Variants in NCALD observed in about 807,000 individuals in gnomAD.
NCALD encodes neurocalcin delta.
In NCALD, 10 loss-of-function variants were observed where a neutral mutation model predicts 18.6. That is an observed-to-expected ratio of 0.54 (90% CI 0.33 to 0.91). The LOEUF is 0.91. Ranked by LOEUF, NCALD falls within the 40% of genes least tolerant of loss-of-function variation. The pLI, the probability that NCALD is intolerant of heterozygous loss-of-function variation, is 0.03. For synonymous variants in NCALD, 88 were observed against 87.4 expected (o/e 1.01, Z -0.04); for missense variants, 184 against 247.6 (o/e 0.74, Z 1.72).
chr8:101,991,156 C>T (rs1191185671), intron 2 of NCALD, among the ~76,000 whole-genome samples: 1 of 152,104 alleles, frequency 6.6e-6, no homozygotes, highest in South Asian at 2.1e-4. Context: ...TGCATTGTAT[C>T]GACAACATCC....
At chr8:101,883,594 T>C (rs993264878) in intron 4 of NCALD, among the ~76,000 whole-genome samples, 1 of 152,210 alleles carries the variant, frequency 6.6e-6, no homozygotes. Context: ...TTCGAAGTCT[T>C]TGACCGTGAT....
At position 101,806,297 on chromosome 8, in the gene NCALD, A is replaced by G. The variant is rs144605995; in HGVS notation, c.-20+80844T>C. 2.0e-3 allele frequency among the ~76,000 whole-genome samples: 312 copies of G among 152,284 alleles called. 1 individual carries two copies. The highest frequency in any genetic ancestry group is 3.1e-3 in the Non-Finnish European group (211 of 68,014). On this transcript the variant is annotated intron_variant, in intron 4 of 6. Coordinates refer to the NCALD transcript ENST00000311028. ...AAGGTCCAGCTTTTAATGAAAAGTCATGAGACATCCAAAGAAAAAGGAAAA... is the reference window on the plus strand; with the variant it reads ...AAGGTCCAGCTTTTAATGAAAAGTCGTGAGACATCCAAAGAAAAAGGAAAA...
chr8:101,753,814 G>A (rs1288470995), intron 1 of NCALD, among the ~76,000 whole-genome samples: 1 of 152,206 alleles, frequency 6.6e-6, no homozygotes, highest in East Asian at 1.9e-4. Flanking sequence ...GATTAGCAGA[G>A]TGGAATTATG....
At chr8:102,106,709 A>G (rs77014045) in intron 1 of NCALD, among the ~76,000 whole-genome samples, 2,635 of 152,208 alleles carry the variant, frequency 0.017, 104 homozygotes, top group African/African-American at 0.06. Flanking sequence ...ATTGCAGTCT[A>G]TAGCTCTAGC....
chr8:101,840,826 T>G (rs1260241771), intron 4 of NCALD, among the ~76,000 whole-genome samples: 1 of 152,208 alleles, frequency 6.6e-6, no homozygotes, highest in South Asian at 2.1e-4. Context: ...TTATTACTTA[T>G]GGCAAAACAT....
chr8:101,888,389 T>A (rs1816749819), intron 3 of NCALD, among the ~76,000 whole-genome samples: 1 of 151,746 alleles, frequency 6.6e-6, no homozygotes. Context: ...TTAGCTGGAC[T>A]TTCTTTTTTA....
chr8:101,823,512 AC>A (rs1361222976), intron 4 of NCALD, among the ~76,000 whole-genome samples: 3 of 152,204 alleles, frequency 2.0e-5, no homozygotes, highest in African/African-American at 7.2e-5. Flanking sequence ...AGGTTTTAAA[AC>A]AATATTTTTG....
chr8:102,032,955 G>A (rs975081219), intron 1 of NCALD, among the ~76,000 whole-genome samples: 35 of 152,186 alleles, frequency 2.3e-4, no homozygotes, highest in African/African-American at 7.2e-4. Context: ...CCAGCAATGA[G>A]TCCAGGTGGA....
At chr8:101,692,940 G>A (rs1342557412) in intron 2 of NCALD, 44 bp from the exon 3 acceptor site, 9 of 1,405,888 alleles carry the variant, frequency 6.4e-6, no homozygotes, top group Middle Eastern at 1.8e-4. Flanking sequence ...AAAACAGTAT[G>A]GCACACAATA....
At chr8:102,103,221 C>G (rs1370944976) in intron 1 of NCALD, among the ~76,000 whole-genome samples, 1 of 128,220 alleles carries the variant, frequency 7.8e-6, no homozygotes, top group Non-Finnish European at 1.6e-5. Context: ...CGATTGCCAC[C>G]TCTCTTCTCC....
At chr8:101,781,666 G>A (rs1375722425) in intron 1 of NCALD, among the ~76,000 whole-genome samples, 1 of 152,124 alleles carries the variant, frequency 6.6e-6, no homozygotes, top group Non-Finnish European at 1.5e-5. Flanking sequence ...TTCTGGTGTT[G>A]GACCTTAGGG....
intron 2 of NCALD, among the ~76,000 whole-genome samples, chr8:101,972,598 G>A (rs961824301): frequency 6.6e-6 from 1 of 152,140 alleles, no homozygotes; most frequent in Non-Finnish European, 1.5e-5. Context: ...TTTCTAGAAG[G>A]TTCATTACTA....
intron 1 of NCALD, among the ~76,000 whole-genome samples, chr8:101,754,028 T>C (rs1810771290): frequency 6.6e-6 from 1 of 152,158 alleles, no homozygotes; most frequent in African/African-American, 2.4e-5. Context: ...GGTCTTTCCT[T>C]TGCACAGCAT....
intron 1 of NCALD, among the ~76,000 whole-genome samples, chr8:102,093,390 A>T (rs1171106233): frequency 6.6e-6 from 1 of 152,238 alleles, no homozygotes; most frequent in African/African-American, 2.4e-5. Flanking sequence ...GCTAGCTGCC[A>T]ACATATCCCT....
At position 101,779,147 on chromosome 8, in the gene NCALD, C is replaced by G. The variant is rs751082835; in HGVS notation, c.-20+11715G>C. On this transcript the variant is annotated intron_variant, in intron 1 of 3. Coordinates refer to ENST00000220931, the MANE Select transcript of NCALD (RefSeq NM_032041.3). ...AATGAAGATCTACAAAGATACAGCC[C>G]TTCTTCTATTATTTTGAAAAAAATT... 1.6e-3 allele frequency among the ~76,000 whole-genome samples: 236 copies of G among 152,128 alleles called. 4 individuals are homozygous for G. The highest frequency in any genetic ancestry group is 6.5e-4 in the Non-Finnish European group (44 of 67,972).
chr8:101,709,648 C>T (rs961733578), intron 2 of NCALD, among the ~76,000 whole-genome samples: 1 of 152,132 alleles, frequency 6.6e-6, no homozygotes, highest in South Asian at 2.1e-4. Flanking sequence ...CACATCTAAG[C>T]ATTTATGGTA....
At chr8:101,774,399 C>G (rs1179111656) in intron 1 of NCALD, among the ~76,000 whole-genome samples, 2 of 152,056 alleles carry the variant, frequency 1.3e-5, no homozygotes, top group Non-Finnish European at 2.9e-5. Flanking sequence ...ATAGAAACTT[C>G]CCTTGTGCAT....
intron 3 of NCALD, among the ~76,000 whole-genome samples, chr8:101,903,998 G>A (rs1054497475): frequency 9.9e-5 from 15 of 152,158 alleles, no homozygotes; most frequent in South Asian, 4.1e-4. Context: ...CCACTCCTGC[G>A]CTCCTGTAGG....
intron 4 of NCALD, among the ~76,000 whole-genome samples, chr8:101,811,111 C>T (rs1353912995): frequency 6.6e-6 from 1 of 152,100 alleles, no homozygotes; most frequent in African/African-American, 2.4e-5. Flanking sequence ...GTACCTGCCC[C>T]CCATGTGTCC....
Sources: gnomAD v4.1 joint callset for allele counts (sites outside exome capture counted in the v4.1 genomes callset) on GRCh38, gnomAD v4.1.1 for gene constraint, MANE v1.5 for transcripts, NCBI Gene and HGNC (gene_info 2026-07-23, HGNC 2026-07-21) for gene names.